The following STK10 variants were observed in gnomAD, a reference collection of about 807,000 sequenced individuals.
The protein encoded by STK10 is serine/threonine kinase 10.
STK10 carries 78 observed loss-of-function variants against 113.8 expected under a neutral mutation model. The ratio of observed to expected loss-of-function variants is 0.69; its 90% CI spans 0.57 to 0.83. The LOEUF is 0.83. Ranked by LOEUF, STK10 falls within the 40% of genes least tolerant of loss-of-function variation. STK10 has a pLI of 0.00. For synonymous variants in STK10, 465 were observed against 494.7 expected (o/e 0.94, Z 0.80); for missense variants, 1,109 against 1,280.1 (o/e 0.87, Z 2.04).
chr5:172,172,144 GGCACCACTGCACTCCA>G (rs1770673786), intron 1 of STK10, among the ~76,000 whole-genome samples: 1 of 152,064 alleles, frequency 6.6e-6, no homozygotes, highest in African/African-American at 2.4e-5. Context: ...GAGCTGAGAT[GGCACCACTGCACTCCA>G]GCCTGGGTGA....
intron 2 of STK10, among the ~76,000 whole-genome samples, chr5:172,153,928 G>C (rs558315697): frequency 6.6e-6 from 1 of 152,164 alleles, no homozygotes; most frequent in African/African-American, 2.4e-5. Context: ...AGCCTCCCCT[G>C]ACCAGATGAT....
Position 172,127,427 on chromosome 5 carries a change from G to T in STK10, c.322-6C>A. The T allele has an allele frequency of 6.2e-7, 1 of 1,613,566 alleles. No individual in the cohort carries two copies. Among genetic ancestry groups the T allele is most frequent in the African/African-American group, 1.3e-5 (1 of 75,046 alleles). On this transcript the variant is annotated splice_polypyrimidine_tract_variant and splice_region_variant and intron_variant, in intron 2 of 18. Transcript: ENST00000176763. ...GGACAGAACTCAATCATGATCTGCA[G>T]AAAACACAGGGCAAAGTGACAATGA... is the stretch of plus-strand genomic sequence containing the variant.
In STK10 at chr5:172,044,874, G is replaced by C; in HGVS notation, c.*8C>G. 4 of 1,614,180 alleles carry C rather than the reference G, an allele frequency of 2.5e-6. No homozygotes were observed. Among genetic ancestry groups the C allele is most frequent in the Non-Finnish European group, 2.5e-6 (3 of 1,180,048 alleles). On this transcript the variant is annotated 3_prime_UTR_variant, in exon 19 of 19. Coordinates refer to ENST00000176763, the MANE Select transcript of STK10 (RefSeq NM_005990.4). This position sits in a 1 kb window ranked among gnomAD's most constrained non-coding sequence, Gnocchi z 4.5. ...CACCAAGCTGCCAGCCACAGCCCCG[G>C]GCGGTTGTTAAGAAGCATCCGCAGA...
intron 18 of STK10, among the ~76,000 whole-genome samples, chr5:172,050,985 G>A (rs866442528): frequency 6.6e-6 from 1 of 151,942 alleles, no homozygotes; most frequent in Non-Finnish European, 1.5e-5. Flanking sequence ...GGTGGCGGGT[G>A]CCTGTAATCC....
rs532610123 is a variant in STK10, at chr5:172,151,113, C to T, written c.321+5511G>A. The stretch of plus-strand genomic sequence containing the variant: ...GATGAAGGTGACAGCTGATACTTAC[C>T]GAAGTTTCTGTGTGCCCAGCCCTGT... On this transcript the variant is annotated intron_variant, in intron 2 of 18. Coordinates refer to ENST00000176763, the MANE Select transcript of STK10 (RefSeq NM_005990.4). Among the ~76,000 whole-genome samples, 6 of 152,340 alleles carry T rather than the reference C, an allele frequency of 3.9e-5. No individual in the cohort carries two copies. In the South Asian group the frequency reaches 1.2e-3, roughly 32 times the overall value.
At chr5:172,161,437 AGT>A (rs1770470226) in intron 1 of STK10, among the ~76,000 whole-genome samples, 1 of 151,730 alleles carries the variant, frequency 6.6e-6, no homozygotes, top group Non-Finnish European at 1.5e-5. Flanking sequence ...TGGGTGACAG[AGT>A]GAGACTCCGT....
At chr5:172,166,878 C>T (rs527246777) in intron 1 of STK10, among the ~76,000 whole-genome samples, 60 of 152,256 alleles carry the variant, frequency 3.9e-4, no homozygotes, top group African/African-American at 3.6e-4. Context: ...AAAAAGACAA[C>T]AGGCCAGGCA....
intron 7 of STK10, among the ~76,000 whole-genome samples, chr5:172,105,044 G>C (rs749424251): frequency 1.1e-4 from 16 of 152,028 alleles, no homozygotes; most frequent in Non-Finnish European, 2.2e-4. Flanking sequence ...AGTCTCCTGT[G>C]GGGAGAGAAT....
At chr5:172,083,684 A>G (rs1382387908) in intron 10 of STK10, among the ~76,000 whole-genome samples, 4 of 151,910 alleles carry the variant, frequency 2.6e-5, no homozygotes, top group Non-Finnish European at 4.4e-5. Context: ...AAAGCAGAAG[A>G]ATCACCTGAG....
intron 12 of STK10, among the ~76,000 whole-genome samples, chr5:172,076,108 T>C (rs1768298921): frequency 6.6e-6 from 1 of 152,072 alleles, no homozygotes; most frequent in Admixed American, 6.6e-5. Flanking sequence ...TCAGCACTAC[T>C]GACCTTGAGG....
At position 172,134,745 on chromosome 5, in the gene STK10, C is replaced by CA. The variant is rs33933488; in HGVS notation, c.322-7325dup. Among the ~76,000 whole-genome samples, 375 of 132,262 alleles carry CA rather than the reference C, an allele frequency of 2.8e-3. 5 individuals carry two copies. Among genetic ancestry groups the CA allele is most frequent in the African/African-American group, 0.01 (354 of 34,602 alleles). 86.8% of individuals were successfully genotyped at this position (132,262 alleles called of 152,430 possible). A position where few individuals can be genotyped will look rare whatever the true frequency, so the allele number is the denominator to read the frequency against. On this transcript the variant is annotated intron_variant, in intron 2 of 18. Transcript: ENST00000176763. ...GCAACATAGGGAGACCTCATATTTA[C>CA]AAAAAAAAAAAAAAGGAAAAAAATT...
chr5:172,184,603 C>T (rs1322304818), intron 1 of STK10, among the ~76,000 whole-genome samples: 1 of 152,102 alleles, frequency 6.6e-6, no homozygotes, highest in Non-Finnish European at 1.5e-5. Context: ...GCGGAGAGGG[C>T]TGTGGTGGAG....
intron 9 of STK10, 32 bp from the exon 10 acceptor site, chr5:172,090,394 GCATTTCAGCTAAGGACC>G: frequency 3.7e-6 from 6 of 1,608,612 alleles, no homozygotes; most frequent in Non-Finnish European, 5.1e-6. Context: ...ACAAGTCTCA[GCATTTCAGCTAAGGACC>G]CATGGCTGTC....
At chr5:172,114,473 A>ATATATATATTTTTTT (rs1226289994) in intron 4 of STK10, 4 of 47,540 alleles carry the variant, frequency 8.4e-5, no homozygotes, top group South Asian at 8.4e-4. Flanking sequence ...ATATATATAT[A>ATATATATATTTTTTT]TTTTTTTTTT....
chr5:172,165,994 T>C (rs1257670321), intron 1 of STK10, among the ~76,000 whole-genome samples: 1 of 152,236 alleles, frequency 6.6e-6, no homozygotes, highest in East Asian at 1.9e-4. Flanking sequence ...GGTTTCTCCA[T>C]GTTGGTCAGG....
In STK10 at chr5:172,093,642, T is replaced by C; in HGVS notation, c.1324A>G (p.Asn442Asp). The C allele has an allele frequency of 1.2e-6, 2 of 1,614,254 alleles. No individual in the cohort carries two copies. Among genetic ancestry groups the C allele is most frequent in the Non-Finnish European group, 1.7e-6 (2 of 1,180,046 alleles). ...CTCTGGCTGGCCTTTTGAGATCTGTTGGCTGCTGGGCTGAGGTCCCCACCC... is the reference window on the plus strand; with the variant it reads ...CTCTGGCTGGCCTTTTGAGATCTGTCGGCTGCTGGGCTGAGGTCCCCACCC... ...EQGGDLSPAA[N>D]RSQKASQSRP... Residue 442 changes from asparagine to aspartate, a missense_variant, in exon 9 of 19, where the codon AAC (asparagine) becomes GAC (aspartate). Asn to Asp is a conservative substitution (Grantham distance 23). Around this residue, in one of 5 missense-constraint regions of STK10, gnomAD observed 885 missense variants for 991.1 expected, o/e 0.89. Transcript: ENST00000176763. The surrounding 1 kb of genome is among the most constrained non-coding windows in gnomAD (Gnocchi z 4.1).
chr5:172,071,703 G>A (rs536013697), intron 12 of STK10, among the ~76,000 whole-genome samples: 1 of 152,004 alleles, frequency 6.6e-6, no homozygotes, highest in East Asian at 1.9e-4. Context: ...ATCATGTAAG[G>A]CTCCCTTTAA....
intron 1 of STK10, among the ~76,000 whole-genome samples, chr5:172,157,373 A>G (rs962880289): frequency 7.2e-5 from 11 of 152,110 alleles, no homozygotes; most frequent in Non-Finnish European, 1.5e-4. Context: ...CCTGGCCAAC[A>G]TAGTGAAACC....
At chr5:172,139,137 T>C (rs1367257698) in intron 2 of STK10, among the ~76,000 whole-genome samples, 1 of 152,228 alleles carries the variant, frequency 6.6e-6, no homozygotes, top group Non-Finnish European at 1.5e-5. Context: ...TACAGATTCA[T>C]TGTAATCCCT....
Sources: allele counts gnomAD v4.1 joint callset (sites outside exome capture counted in the v4.1 genomes callset), GRCh38; gene constraint gnomAD v4.1.1; regional missense constraint gnomAD v4.1.1; non-coding constraint Gnocchi (gnomAD v3.1); transcripts MANE v1.5; gene names NCBI Gene and HGNC (gene_info 2026-07-23, HGNC 2026-07-21).